Variants in KCNQ5 observed in about 807,000 individuals in gnomAD.
KCNQ5 encodes potassium voltage-gated channel subfamily KQT member 5.
A neutral mutation model predicts 98.2 loss-of-function variants in KCNQ5; 30 were observed. The observed-to-expected ratio is 0.31, with a 90% CI of 0.23 to 0.41. The LOEUF (loss-of-function observed/expected upper bound fraction) is 0.41, where lower values mean the gene tolerates loss of function less well. KCNQ5 is among the 10% of genes least tolerant of loss of function. The pLI is 1.00. For missense variants in KCNQ5, 835 were observed against 1,182.5 expected (o/e 0.71, Z 4.31); for synonymous variants, 458 against 449.4 (o/e 1.02, Z -0.24).
chr6:72,714,883 TAAAC>T (rs1442383094), intron 1 of KCNQ5, among the ~76,000 whole-genome samples: 1 of 152,164 alleles, frequency 6.6e-6, no homozygotes, highest in Non-Finnish European at 1.5e-5. Flanking sequence ...ATATTTAGAA[TAAAC>T]AAATTAATGC....
chr6:72,740,498 T>C (rs1002123355), intron 1 of KCNQ5, among the ~76,000 whole-genome samples: 3 of 152,144 alleles, frequency 2.0e-5, no homozygotes, highest in African/African-American at 4.8e-5. Context: ...GTTATCCAAA[T>C]TGAAAGCTAA....
At chr6:72,938,777 A>G (rs1342860820) in intron 1 of KCNQ5, among the ~76,000 whole-genome samples, 1 of 152,232 alleles carries the variant, frequency 6.6e-6, no homozygotes, top group Non-Finnish European at 1.5e-5. Context: ...CCTACCATCA[A>G]GAAGCTTATA....
intron 1 of KCNQ5, among the ~76,000 whole-genome samples, chr6:72,979,929 G>C (rs557754704): frequency 1.0e-3 from 154 of 152,272 alleles, no homozygotes; most frequent in African/African-American, 3.7e-3. Context: ...TTATTAAATA[G>C]GGAATTCTTT....
At chr6:72,850,292 G>C (rs558069330) in intron 1 of KCNQ5, among the ~76,000 whole-genome samples, 1 of 152,102 alleles carries the variant, frequency 6.6e-6, no homozygotes, top group Non-Finnish European at 1.5e-5. Flanking sequence ...ATCTAAAGTA[G>C]TTTACTTATC....
At chr6:72,835,363 G>T (rs1184981180) in intron 1 of KCNQ5, among the ~76,000 whole-genome samples, 16 of 152,102 alleles carry the variant, frequency 1.1e-4, no homozygotes, top group East Asian at 3.9e-4. Flanking sequence ...TCATAATCTG[G>T]CTAATTAAAT....
intron 1 of KCNQ5, among the ~76,000 whole-genome samples, chr6:72,748,381 A>G (rs1035297344): frequency 3.9e-5 from 6 of 152,224 alleles, no homozygotes; most frequent in African/African-American, 9.6e-5. Flanking sequence ...ACAACCGCCT[A>G]TTGGTGCATT....
chr6:72,999,441 A>T (rs540837087), intron 1 of KCNQ5, among the ~76,000 whole-genome samples: 2 of 152,362 alleles, frequency 1.3e-5, no homozygotes, highest in African/African-American at 4.8e-5. Flanking sequence ...ATAAAGGCCA[A>T]TAGCTGTTCC....
chr6:72,945,472 T>TG (rs1478818082), intron 1 of KCNQ5, among the ~76,000 whole-genome samples: 1 of 145,800 alleles, frequency 6.9e-6, no homozygotes, highest in Non-Finnish European at 1.5e-5. Context: ...TTTTTTTTTT[T>TG]GAGACAGAGT....
intron 1 of KCNQ5, among the ~76,000 whole-genome samples, chr6:72,946,128 G>A (rs1766535539): frequency 6.6e-6 from 1 of 152,102 alleles, no homozygotes; most frequent in South Asian, 2.1e-4. Context: ...TGCTGTTCAA[G>A]AGAAAACAGT....
At chr6:73,063,253 A>G (rs977410533) in intron 3 of KCNQ5, among the ~76,000 whole-genome samples, 3 of 152,216 alleles carry the variant, frequency 2.0e-5, no homozygotes, top group East Asian at 1.9e-4. Context: ...AAAGGAATTG[A>G]TAATGAAAAG....
At position 73,194,892 on chromosome 6, in the gene KCNQ5, T is replaced by C. The variant is rs1765727987; in HGVS notation, c.2277T>C (p.His759=). Residue 759 remains histidine, a synonymous_variant, in exon 14 of 14, where the codon CAT becomes CAC. Coordinates refer to ENST00000370398, the MANE Select transcript of KCNQ5 (RefSeq NM_019842.4). ...CACCTCCTCTCCCAGCCATCAAGCATCTGCCCAGGCCAGAAACTCTGCACC... is the reference window on the plus strand; with the variant it reads ...CACCTCCTCTCCCAGCCATCAAGCACCTGCCCAGGCCAGAAACTCTGCACC... ...QIPPPLPAIK[H]LPRPETLHPN... is the part of the protein sequence containing the mutation. The C allele has an allele frequency of 6.8e-6, 11 of 1,614,162 alleles. No homozygotes were observed. The highest frequency in any genetic ancestry group is 8.5e-6 in the Non-Finnish European group (10 of 1,180,032).
intron 1 of KCNQ5, among the ~76,000 whole-genome samples, chr6:72,817,729 A>G (rs1775565248): frequency 6.6e-6 from 1 of 152,048 alleles, no homozygotes; most frequent in African/African-American, 2.4e-5. Context: ...CCCTGTCTTT[A>G]CTAAAAGTAC....
chr6:73,005,688 A>G (rs905150364), intron 2 of KCNQ5, among the ~76,000 whole-genome samples: 1 of 152,216 alleles, frequency 6.6e-6, no homozygotes, highest in African/African-American at 2.4e-5. Flanking sequence ...TTTAGTAGAA[A>G]ATAAAAATGT....
chr6:72,881,948 C>G (rs1778648709), intron 1 of KCNQ5, among the ~76,000 whole-genome samples: 1 of 152,328 alleles, frequency 6.6e-6, no homozygotes, highest in South Asian at 2.1e-4. Context: ...GCCTCGACCT[C>G]CCAAAGTGCT....
chr6:72,840,633 C>G (rs933611865), intron 1 of KCNQ5, among the ~76,000 whole-genome samples: 1 of 152,172 alleles, frequency 6.6e-6, no homozygotes, highest in Non-Finnish European at 1.5e-5. Flanking sequence ...AGTTGTTTTT[C>G]TGTATTTTGA....
intron 1 of KCNQ5, among the ~76,000 whole-genome samples, chr6:72,710,400 A>T (rs1445012573): frequency 6.6e-6 from 1 of 152,232 alleles, no homozygotes; most frequent in African/African-American, 2.4e-5. Flanking sequence ...AAAAAAATTT[A>T]AAAAGCAAAA....
chr6:73,101,650 T>C (rs1774778496), intron 5 of KCNQ5, among the ~76,000 whole-genome samples: 1 of 151,996 alleles, frequency 6.6e-6, no homozygotes, highest in Admixed American at 6.5e-5. Flanking sequence ...TAATCCCATT[T>C]ACAATAGCTA....
At chr6:72,760,123 G>C (rs796663812) in intron 1 of KCNQ5, among the ~76,000 whole-genome samples, 1 of 152,134 alleles carries the variant, frequency 6.6e-6, no homozygotes, top group African/African-American at 2.4e-5. Context: ...CCCCTTTCCA[G>C]ATGACAGGCT....
At chr6:73,188,636 ATAG>A (rs1322283242) in intron 11 of KCNQ5, among the ~76,000 whole-genome samples, 2 of 152,190 alleles carry the variant, frequency 1.3e-5, no homozygotes, top group African/African-American at 4.8e-5. Flanking sequence ...ACACAATGTC[ATAG>A]TAGAAGTGGT....
Sources: allele counts gnomAD v4.1 joint callset (sites outside exome capture counted in the v4.1 genomes callset), GRCh38; gene constraint gnomAD v4.1.1; transcripts MANE v1.5; gene names NCBI Gene and HGNC (gene_info 2026-07-23, HGNC 2026-07-21).